Variants in KLF13 observed in about 807,000 individuals in gnomAD.
The protein encoded by KLF13 is Krueppel-like factor 13.
In KLF13, 8 loss-of-function variants were observed where a neutral mutation model predicts 16.7. The ratio of observed to expected loss-of-function variants is 0.48; its 90% CI spans 0.28 to 0.87. The LOEUF (loss-of-function observed/expected upper bound fraction) is 0.87, where lower values mean the gene tolerates loss of function less well. KLF13 is among the 40% of genes least tolerant of loss of function. The probability of loss-of-function intolerance (pLI) is 0.10; values close to 1 mark genes in which losing one functional copy is unlikely to be tolerated. For synonymous variants in KLF13, 245 were observed against 208.4 expected, an observed-to-expected ratio of 1.18 and a Z score of -1.51; for missense variants, 447 against 452.2, an observed-to-expected ratio of 0.99 and a Z score of 0.10.
Position 31,327,117 on chromosome 15 carries a change from C to A in KLF13, c.-96C>A. 9.6e-7 allele frequency: 1 copy of A among 1,038,424 alleles called. No homozygotes were observed. The highest frequency in any genetic ancestry group is 1.2e-6 in the Non-Finnish European group (1 of 833,866). 64.3% of individuals were successfully genotyped at this position (1,038,424 alleles called of 1,614,324 possible). Reference sequence around the variant, plus strand: ...CCCAGCCCGAGGAGAGGGCGCGCCGCGCCCCCGCCCCCCGCCCGCTCTCCC... The same window carrying A: ...CCCAGCCCGAGGAGAGGGCGCGCCGAGCCCCCGCCCCCCGCCCGCTCTCCC... On this transcript the variant is annotated 5_prime_UTR_variant, in exon 1 of 2. Transcript: ENST00000307145.
chr15:31,358,021 A>T (rs886480345), intron 1 of KLF13, among the ~76,000 whole-genome samples: 1 of 152,144 alleles, frequency 6.6e-6, no homozygotes, highest in African/African-American at 2.4e-5. Flanking sequence ...TGCCAGCTTT[A>T]TCCAGAGTTC....
intron 1 of KLF13, among the ~76,000 whole-genome samples, chr15:31,362,138 G>A (rs1283328647): frequency 6.6e-6 from 1 of 152,182 alleles, no homozygotes; most frequent in Non-Finnish European, 1.5e-5. Flanking sequence ...TGGTATTCAG[G>A]AGCCTGAAGG....
At chr15:31,381,347 CT>C (rs148714799), downstream of KLF13, among the ~76,000 whole-genome samples, 1,405 of 152,284 alleles carry the variant, frequency 9.2e-3, 22 homozygotes, top group African/African-American at 0.032. Flanking sequence ...CTTCTGGAGT[CT>C]TGTTTTCCTT....
chr15:31,433,279 G>A (rs2040494122), intron 1 of KLF13, among the ~76,000 whole-genome samples: 1 of 152,164 alleles, frequency 6.6e-6, no homozygotes. Context: ...GGGAGCTCCA[G>A]CTGCTGTTCT....
intron 1 of KLF13, among the ~76,000 whole-genome samples, chr15:31,422,573 TGG>T (rs2040341834): frequency 6.6e-6 from 1 of 152,106 alleles, no homozygotes; most frequent in Non-Finnish European, 1.5e-5. Flanking sequence ...GAGATCTGGA[TGG>T]GGACACAGAG....
At chr15:31,402,004 G>A (rs1465303894) in intron 2 of KLF13, among the ~76,000 whole-genome samples, 1 of 152,256 alleles carries the variant, frequency 6.6e-6, no homozygotes, top group Non-Finnish European at 1.5e-5. Context: ...CACGTTTGGA[G>A]GCAGATCCTG....
At chr15:31,408,708 G>A (rs1474772295), downstream of KLF13, among the ~76,000 whole-genome samples, 2 of 152,292 alleles carry the variant, frequency 1.3e-5, no homozygotes, top group South Asian at 2.1e-4. Flanking sequence ...GAGAAAGCAA[G>A]AGATGTTGGA....
chr15:31,394,152 A>G (rs1226883648), intron 2 of KLF13, among the ~76,000 whole-genome samples: 1 of 152,164 alleles, frequency 6.6e-6, no homozygotes, highest in Non-Finnish European at 1.5e-5. Context: ...CAAGCAGTAC[A>G]TGGAAGACAA....
rs1373929299 is a variant in KLF13, at chr15:31,372,060, C to T, written c.628C>T (p.Arg210Cys). The change falls in exon 2 of 2, where the codon CGC (arginine) becomes TGC (cysteine). Residue 210 changes from arginine to cysteine, a missense_variant. Around this residue, in one of 2 missense-constraint regions of KLF13, gnomAD observed 88 missense variants for 169.5 expected, o/e 0.52. Transcript: ENST00000307145. ...SWQDCNKKFA[R>C]SDELARHYRT... ...GCAGGACTGCAACAAGAAGTTCGCG[C>T]GCTCCGACGAGCTGGCGCGGCACTA... is the stretch of plus-strand genomic sequence containing the variant. The T allele has an allele frequency of 6.2e-7, 1 of 1,612,158 alleles. No homozygotes were observed. The highest frequency in any genetic ancestry group is 8.5e-7 in the Non-Finnish European group (1 of 1,179,674).
rs1566848484 is a variant in KLF13, at chr15:31,423,159, A to ATATACGTATATATACG, written n.118-12207_118-12206insCGTATATATACGTATA. Reference sequence around the variant, plus strand: ...TATACGTATACGTATATATACGTATATATATGTATATATATACATATATAC... The same window carrying ATATACGTATATATACG: ...TATACGTATACGTATATATACGTATATATACGTATATATACGTATATGTATATATATACATATATAC... On this transcript the variant is annotated intron_variant and non_coding_transcript_variant, in intron 1 of 1. Transcript: ENST00000558225. 2.5e-4 allele frequency among the ~76,000 whole-genome samples: 30 copies of ATATACGTATATATACG among 118,718 alleles called. 1 individual carries two copies. The highest frequency in any genetic ancestry group is 3.8e-4 in the Admixed American group (5 of 13,098). The allele number at this position is 118,718 out of a possible 152,430, so 77.9% of individuals were successfully genotyped here.
At chr15:31,378,689 A>G (rs561451565), downstream of KLF13, among the ~76,000 whole-genome samples, 5 of 152,316 alleles carry the variant, frequency 3.3e-5, no homozygotes, top group South Asian at 1.0e-3. Flanking sequence ...CACTGTTCAT[A>G]CATGACTACC....
At chr15:31,431,525 CGT>C (rs1320811683) in intron 1 of KLF13, among the ~76,000 whole-genome samples, 3 of 151,962 alleles carry the variant, frequency 2.0e-5, no homozygotes, top group Non-Finnish European at 4.4e-5. Context: ...AGTGCAGTGG[CGT>C]GCTCTCGGCT....
At chr15:31,403,706 C>T (rs550339293) in exon 3 of KLF13, 1 of 152,284 alleles carries the variant, frequency 6.6e-6, no homozygotes, top group Admixed American at 6.5e-5. Flanking sequence ...ACAGTGTAGC[C>T]CCTGTAACAG....
chr15:31,395,391 G>T (rs2039940744), intron 2 of KLF13, among the ~76,000 whole-genome samples: 1 of 152,208 alleles, frequency 6.6e-6, no homozygotes. Flanking sequence ...TAGCTGCTAT[G>T]AATGCTGCTG....
upstream of KLF13, among the ~76,000 whole-genome samples, chr15:31,388,794 T>C (rs2039826353): frequency 7.3e-6 from 1 of 137,320 alleles, no homozygotes; most frequent in African/African-American, 2.7e-5. Flanking sequence ...AAACTAATGA[T>C]AAGAATGTCT....
intron 1 of KLF13, among the ~76,000 whole-genome samples, chr15:31,353,444 C>G (rs143280699): frequency 6.6e-6 from 1 of 152,202 alleles, no homozygotes; most frequent in East Asian, 1.9e-4. Flanking sequence ...TCCCTGCCAT[C>G]TGGCCTGCCC....
At chr15:31,367,787 C>T (rs114562861) in intron 1 of KLF13, among the ~76,000 whole-genome samples, 145 of 152,294 alleles carry the variant, frequency 9.5e-4, no homozygotes, top group African/African-American at 3.3e-3. Flanking sequence ...TGAGGCCGGT[C>T]GTGCGCAGCC....
intron 1 of KLF13, among the ~76,000 whole-genome samples, chr15:31,412,712 C>T (rs1194451453): frequency 2.6e-5 from 4 of 151,956 alleles, no homozygotes; most frequent in South Asian, 2.1e-4. Flanking sequence ...AAATTTTGCC[C>T]GATTGGAGAC....
downstream of KLF13, among the ~76,000 whole-genome samples, chr15:31,380,035 C>T (rs1173761411): frequency 1.4e-4 from 21 of 152,300 alleles, no homozygotes; most frequent in Admixed American, 1.2e-3. Context: ...CAGTGGTTCA[C>T]GCCTGTAATC....
Sources: allele counts gnomAD v4.1 joint callset (sites outside exome capture counted in the v4.1 genomes callset), GRCh38; gene constraint gnomAD v4.1.1; regional missense constraint gnomAD v4.1.1; transcripts MANE v1.5; gene names NCBI Gene and HGNC (gene_info 2026-07-23, HGNC 2026-07-21).